FKBP6: variants seen among roughly 807,000 people sequenced by gnomAD.
FKBP6 encodes FKBP prolyl isomerase family member 6 (inactive).
In FKBP6, 29 loss-of-function variants were observed where a neutral mutation model predicts 41.7. The ratio of observed to expected loss-of-function variants is 0.70; its 90% CI spans 0.52 to 0.95. The LOEUF (loss-of-function observed/expected upper bound fraction) is 0.95. Among genes scored for constraint, FKBP6 ranks in the 40% least tolerant of loss-of-function variants. The pLI is 0.00. For missense variants in FKBP6, 338 were observed against 408.7 expected, an observed-to-expected ratio of 0.83 and a Z score of 1.49; for synonymous variants, 130 against 165.1, an observed-to-expected ratio of 0.79 and a Z score of 1.63.
Position 73,328,200 on chromosome 7 carries a change from A to C in FKBP6, c.-229A>C. 1.9e-6 allele frequency: 3 copies of C among 1,548,230 alleles called. No individual in the cohort carries two copies. The highest frequency in any genetic ancestry group is 2.0e-5 in the Admixed American group (1 of 50,970). The stretch of plus-strand genomic sequence containing the variant: ...GCTCCCATTACGGATCATACCTCGC[A>C]CCTCACCGCGTGGCCTCTGTAGTTC... On this transcript the variant is annotated 5_prime_UTR_variant, in exon 1 of 9. Coordinates refer to ENST00000252037, the MANE Select transcript of FKBP6 (RefSeq NM_003602.5).
chr7:73,329,798 T>C (rs1467612791), intron 3 of FKBP6: 4 of 519,654 alleles, frequency 7.7e-6, no homozygotes, highest in Non-Finnish European at 6.9e-6. Flanking sequence ...GACCTCACAA[T>C]GTAGTGGAGG....
At chr7:73,341,222 C>G in intron 6 of FKBP6, 51 bp from the exon 7 acceptor site, 1 of 1,315,496 alleles carries the variant, frequency 7.6e-7, no homozygotes, top group Non-Finnish European at 1.1e-6. Flanking sequence ...CCGTGCCCAG[C>G]CAAATGATAT....
At chr7:73,357,978 C>G (rs2116008103) in intron 8 of FKBP6, among the ~76,000 whole-genome samples, 1 of 145,708 alleles carries the variant, frequency 6.9e-6, no homozygotes, top group East Asian at 2.0e-4. Context: ...CAGAGTAAGG[C>G]TCTGTCTCAA....
chr7:73,333,933 G>A (rs1431104309), intron 5 of FKBP6, among the ~76,000 whole-genome samples: 14 of 152,032 alleles, frequency 9.2e-5, no homozygotes, highest in South Asian at 2.1e-4. Context: ...TTAGCTGGGC[G>A]TGTTGGTGGG....
chr7:73,328,707 G>T lies in FKBP6; in HGVS notation c.175+15G>T, dbSNP rs782283718. The T allele has an allele frequency of 1.7e-5, 28 of 1,611,808 alleles. No individual in the cohort carries two copies. In the East Asian group the frequency reaches 6.0e-4, roughly 35 times the overall value. On this transcript the variant is annotated intron_variant, in intron 2 of 8. Transcript: ENST00000252037. ...TTCGGTGCTAGGTACGCCCTGGGGC[G>T]GTTTGTCCTCAGGATCCATGTCATC... is the stretch of plus-strand genomic sequence containing the variant.
intron 4 of FKBP6, among the ~76,000 whole-genome samples, chr7:73,331,252 A>C (rs1337643200): frequency 1.3e-5 from 2 of 152,120 alleles, no homozygotes; most frequent in African/African-American, 4.8e-5. Context: ...GTGGCCAAAT[A>C]GTGGTTTTGA....
At chr7:73,336,379 A>C (rs1805004328) in intron 5 of FKBP6, among the ~76,000 whole-genome samples, 1 of 152,212 alleles carries the variant, frequency 6.6e-6, no homozygotes, top group Non-Finnish European at 1.5e-5. Flanking sequence ...CATAGGTGAT[A>C]GGAGGCGGCC....
At chr7:73,329,012 C>T (rs1804737710) in intron 2 of FKBP6, among the ~76,000 whole-genome samples, 1 of 152,176 alleles carries the variant, frequency 6.6e-6, no homozygotes, top group Non-Finnish European at 1.5e-5. Flanking sequence ...TCTATGTTGC[C>T]CAGGCTGGTC....
At chr7:73,350,275 T>C (rs1367877537) in intron 8 of FKBP6, among the ~76,000 whole-genome samples, 2 of 152,170 alleles carry the variant, frequency 1.3e-5, no homozygotes, top group Non-Finnish European at 2.9e-5. Flanking sequence ...GTAAACCCAC[T>C]TAACTTTCCT....
chr7:73,342,700 C>T (rs1805225036), intron 7 of FKBP6, 107 bp from the exon 8 acceptor site: 2 of 830,902 alleles, frequency 2.4e-6, no homozygotes, highest in Admixed American at 1.7e-5. Context: ...AGTTTGAGTC[C>T]TGATAAATTT....
chr7:73,356,384 G>A (rs539872947), intron 8 of FKBP6, among the ~76,000 whole-genome samples: 1 of 152,270 alleles, frequency 6.6e-6, no homozygotes, highest in East Asian at 1.9e-4. Context: ...TGATGGGTGT[G>A]TCTTTGCCTG....
chr7:73,338,626 C>A (rs1805080194), intron 5 of FKBP6, among the ~76,000 whole-genome samples: 1 of 152,224 alleles, frequency 6.6e-6, no homozygotes, highest in African/African-American at 2.4e-5. Context: ...TTCTCCACAT[C>A]TTCACCAACA....
In FKBP6 at chr7:73,342,945, C is replaced by A. The variant is rs375369823; in HGVS notation, c.*2+46C>A. 1.4e-5 allele frequency: 18 copies of A among 1,278,870 alleles called. 1 individual carries two copies. The highest frequency in any genetic ancestry group is 8.8e-5 in the African/African-American group (6 of 68,542). 79.2% of individuals were successfully genotyped at this position (1,278,870 alleles called of 1,614,324 possible). A position where few individuals can be genotyped will look rare whatever the true frequency, so the allele number is the denominator to read the frequency against. Reference sequence around the variant, plus strand: ...GCACACAGGCTTCCGGATGGAGAAGCGTGCTGCTCTCCTCCACCCCCAAGT... The same window carrying A: ...GCACACAGGCTTCCGGATGGAGAAGAGTGCTGCTCTCCTCCACCCCCAAGT... On this transcript the variant is annotated intron_variant, in intron 8 of 8. Coordinates refer to ENST00000252037, the MANE Select transcript of FKBP6 (RefSeq NM_003602.5).
intron 8 of FKBP6, among the ~76,000 whole-genome samples, chr7:73,353,509 G>A (rs1309185164): frequency 2.0e-5 from 3 of 151,996 alleles, no homozygotes; most frequent in Non-Finnish European, 4.4e-5. Flanking sequence ...TTCCTTTCTC[G>A]TGCTCCCTTC....
At chr7:73,331,092 G>T (rs1260834855) in intron 4 of FKBP6, among the ~76,000 whole-genome samples, 1 of 152,080 alleles carries the variant, frequency 6.6e-6, no homozygotes, top group African/African-American at 2.4e-5. Context: ...CAAATGCCTC[G>T]TCCCACCTGT....
chr7:73,343,049 C>A, intron 8 of FKBP6, 150 bp downstream of exon 8: 1 of 707,788 alleles, frequency 1.4e-6, no homozygotes. Context: ...AACGGTAGTG[C>A]AGGATGCACG....
At chr7:73,351,825 A>G (rs1296631261) in intron 8 of FKBP6, among the ~76,000 whole-genome samples, 1 of 152,206 alleles carries the variant, frequency 6.6e-6, no homozygotes, top group Non-Finnish European at 1.5e-5. Context: ...CTGATCGTCC[A>G]CAATCATGGA....
At chr7:73,346,091 AAAC>A (rs1285913128) in intron 8 of FKBP6, among the ~76,000 whole-genome samples, 3 of 152,170 alleles carry the variant, frequency 2.0e-5, no homozygotes, top group African/African-American at 7.2e-5. Flanking sequence ...TAGCATCAAA[AAAC>A]ACCACCCGAG....
intron 8 of FKBP6, among the ~76,000 whole-genome samples, chr7:73,348,447 G>T (rs1554550626): frequency 6.6e-6 from 1 of 152,210 alleles, no homozygotes; most frequent in East Asian, 1.9e-4. Context: ...TAGCAGGGAA[G>T]CCTATTTCCT....
Sources: gnomAD v4.1 joint callset for allele counts (sites outside exome capture counted in the v4.1 genomes callset) on GRCh38, gnomAD v4.1.1 for gene constraint, MANE v1.5 for transcripts, NCBI Gene and HGNC (gene_info 2026-07-23, HGNC 2026-07-21) for gene names.